GPC5: variants seen among roughly 807,000 people sequenced by gnomAD.
GPC5 encodes glypican-5.
Under a neutral mutation model 53.9 loss-of-function variants are expected in GPC5, and 47 were observed. The observed-to-expected ratio is 0.87, with a 90% CI of 0.69 to 1.11. GPC5 has a LOEUF of 1.11. GPC5 is among the 50% of genes most tolerant of loss of function. GPC5 has a pLI of 0.00. For synonymous variants in GPC5, 286 were observed against 263.3 expected, an observed-to-expected ratio of 1.09 and a Z score of -0.84; for missense variants, 748 against 713.1, an observed-to-expected ratio of 1.05 and a Z score of -0.56.
At chr13:92,633,619 T>C (rs1305970499) in intron 7 of GPC5, among the ~76,000 whole-genome samples, 2 of 152,132 alleles carry the variant, frequency 1.3e-5, no homozygotes, top group African/African-American at 4.8e-5. Context: ...ATTCTGAAAG[T>C]TTTTGTTATA....
chr13:92,690,916 C>T (rs1310761571), intron 7 of GPC5, among the ~76,000 whole-genome samples: 1 of 61,320 alleles, frequency 1.6e-5, no homozygotes, highest in African/African-American at 6.5e-5. Flanking sequence ...AGGAGGCAGT[C>T]TGCCCATTCT....
intron 1 of GPC5, among the ~76,000 whole-genome samples, chr13:91,417,289 G>T (rs1422864439): frequency 6.6e-6 from 1 of 152,170 alleles, no homozygotes; most frequent in Non-Finnish European, 1.5e-5. Context: ...TCATTTGAGA[G>T]AGTGGCAGCA....
chr13:91,418,567 A>G (rs1477444866), intron 1 of GPC5, among the ~76,000 whole-genome samples: 2 of 152,206 alleles, frequency 1.3e-5, no homozygotes, highest in Non-Finnish European at 2.9e-5. Flanking sequence ...CACTTCAGAA[A>G]TATGTAGGTA....
intron 2 of GPC5, among the ~76,000 whole-genome samples, chr13:91,639,569 T>G (rs756617797): frequency 5.3e-5 from 8 of 152,190 alleles, no homozygotes; most frequent in Admixed American, 2.0e-4. Flanking sequence ...CTTACTCTAA[T>G]TGAGTCAATT....
chr13:91,933,417 G>C (rs1258323508), intron 6 of GPC5, among the ~76,000 whole-genome samples: 1 of 151,918 alleles, frequency 6.6e-6, no homozygotes, highest in African/African-American at 2.4e-5. Context: ...ATAGCCAGAA[G>C]TAATCACTGC....
chr13:92,523,616 T>A (rs1026778988), intron 7 of GPC5, among the ~76,000 whole-genome samples: 7 of 152,208 alleles, frequency 4.6e-5, no homozygotes, highest in African/African-American at 1.4e-4. Context: ...TTTTAGTGAA[T>A]TTTAAATTAA....
intron 2 of GPC5, among the ~76,000 whole-genome samples, chr13:91,574,731 T>C (rs2032071175): frequency 6.6e-6 from 1 of 152,080 alleles, no homozygotes; most frequent in Admixed American, 6.6e-5. Context: ...AAGGGATTTT[T>C]CCCTAAAACA....
At chr13:91,834,285 A>G (rs530186772) in intron 5 of GPC5, among the ~76,000 whole-genome samples, 110 of 152,304 alleles carry the variant, frequency 7.2e-4, no homozygotes, top group African/African-American at 2.5e-3. Flanking sequence ...GCTCATGGAT[A>G]GAAAGAATTT....
intron 6 of GPC5, among the ~76,000 whole-genome samples, chr13:92,144,289 G>T (rs1029613565): frequency 6.6e-6 from 1 of 152,066 alleles, no homozygotes; most frequent in African/African-American, 2.4e-5. Context: ...TTGTCCCAAG[G>T]TTCAGTATGT....
At chr13:92,314,937 C>A (rs939217375) in intron 7 of GPC5, among the ~76,000 whole-genome samples, 3 of 151,986 alleles carry the variant, frequency 2.0e-5, no homozygotes, top group African/African-American at 7.2e-5. Flanking sequence ...CCATGCCCAG[C>A]TAATTTTTTA....
At chr13:92,684,760 G>GCATAATTAA in intron 7 of GPC5, among the ~76,000 whole-genome samples, 1 of 152,148 alleles carries the variant, frequency 6.6e-6, no homozygotes, top group East Asian at 1.9e-4. Flanking sequence ...ATACCAAGGA[G>GCATAATTAA]CATAATTAAG....
chr13:91,527,087 T>G (rs1013954223), intron 2 of GPC5, among the ~76,000 whole-genome samples: 2 of 152,184 alleles, frequency 1.3e-5, no homozygotes, highest in Non-Finnish European at 2.9e-5. Context: ...TTGCACATCC[T>G]TTTCACATTT....
chr13:92,228,054 C>T (rs549516171), intron 7 of GPC5, among the ~76,000 whole-genome samples: 33 of 151,680 alleles, frequency 2.2e-4, no homozygotes, highest in African/African-American at 8.0e-4. Flanking sequence ...TCATAAAGAT[C>T]TTCATCCTTG....
intron 5 of GPC5, among the ~76,000 whole-genome samples, chr13:91,808,620 T>G (rs1179968047): frequency 6.6e-6 from 1 of 152,158 alleles, no homozygotes; most frequent in East Asian, 1.9e-4. Flanking sequence ...TACAACATAT[T>G]ACTTCTTGTC....
At chr13:92,260,353 A>G (rs974572644) in intron 7 of GPC5, among the ~76,000 whole-genome samples, 1 of 152,218 alleles carries the variant, frequency 6.6e-6, no homozygotes, top group Non-Finnish European at 1.5e-5. Flanking sequence ...TTTGGAATAT[A>G]GCATCTCTCA....
intron 7 of GPC5, among the ~76,000 whole-genome samples, chr13:92,647,249 G>A (rs1181480225): frequency 6.6e-6 from 1 of 151,934 alleles, no homozygotes; most frequent in African/African-American, 2.4e-5. Flanking sequence ...TTCACCGTAG[G>A]TTTTGTCAAC....
chr13:92,323,333 A>G (rs1423514007), intron 7 of GPC5, among the ~76,000 whole-genome samples: 2 of 144,422 alleles, frequency 1.4e-5, no homozygotes, highest in Non-Finnish European at 3.1e-5. Flanking sequence ...ACATACATAT[A>G]TAAAAATATA....
intron 5 of GPC5, among the ~76,000 whole-genome samples, chr13:91,839,027 C>G (rs2038754500): frequency 6.6e-6 from 1 of 152,114 alleles, no homozygotes. Context: ...GTATACTGCA[C>G]ACATTAAACT....
At chr13:92,344,630 G>A (rs182696958) in intron 7 of GPC5, among the ~76,000 whole-genome samples, 9 of 152,242 alleles carry the variant, frequency 5.9e-5, no homozygotes, top group Admixed American at 4.6e-4. Flanking sequence ...AAAAATACTG[G>A]TTTGGAATTT....
Sources: gnomAD v4.1 joint callset for allele counts (sites outside exome capture counted in the v4.1 genomes callset) on GRCh38, gnomAD v4.1.1 for gene constraint, MANE v1.5 for transcripts, NCBI Gene and HGNC (gene_info 2026-07-23, HGNC 2026-07-21) for gene names.